The following TFDP1 variants were observed in gnomAD, a reference collection of about 807,000 sequenced individuals.
TFDP1 encodes transcription factor Dp-1, also known as DRTF1-polypeptide 1.
Under a neutral mutation model 48.0 loss-of-function variants are expected in TFDP1, and 6 were observed. That is an observed-to-expected ratio of 0.13 (90% CI 0.07 to 0.25). The LOEUF (loss-of-function observed/expected upper bound fraction) is 0.25. Among genes scored for constraint, TFDP1 ranks in the 10% least tolerant of loss-of-function variants. The probability of loss-of-function intolerance (pLI) is 1.00; values close to 1 mark genes in which losing one functional copy is unlikely to be tolerated. For missense variants in TFDP1, 335 were observed against 543.0 expected, an observed-to-expected ratio of 0.62 and a Z score of 3.81; for synonymous variants, 201 against 211.6, an observed-to-expected ratio of 0.95 and a Z score of 0.44.
chr13:113,635,126 G>A lies in TFDP1; in HGVS notation c.687+524G>A, dbSNP rs1254604819. The stretch of plus-strand genomic sequence containing the variant: ...CTGGGTCTTGACAGTGCTGATCAGG[G>A]CCCTGGAGCTGGCCTTCCCCACCTC... On this transcript the variant is annotated intron_variant, in intron 8 of 11. Coordinates refer to ENST00000375370, the MANE Select transcript of TFDP1 (RefSeq NM_007111.5). Among the ~76,000 whole-genome samples the A allele has an allele frequency of 3.3e-5, 5 of 152,336 alleles. No individual in the cohort carries two copies. The East Asian group carries it at 9.6e-4, about 29-fold the overall frequency.
intron 9 of TFDP1, 135 bp downstream of exon 9, chr13:113,636,263 G>A (rs563574443): frequency 2.1e-5 from 27 of 1,291,970 alleles, no homozygotes; most frequent in Non-Finnish European, 2.7e-5. Context: ...TGTCCATTGG[G>A]GGGTGGTGGG....
At chr13:113,629,730 A>G (rs1057148664) in intron 4 of TFDP1, among the ~76,000 whole-genome samples, 3 of 152,142 alleles carry the variant, frequency 2.0e-5, no homozygotes, top group Admixed American at 6.5e-5. Context: ...ATGCGGGTTT[A>G]TCGGGATGTT....
chr13:113,630,951 G>A (rs986418493), intron 4 of TFDP1, among the ~76,000 whole-genome samples: 2 of 152,184 alleles, frequency 1.3e-5, no homozygotes, highest in Non-Finnish European at 2.9e-5. Flanking sequence ...AGGGGCGTGT[G>A]GAGCCCCTAC....
In TFDP1 at chr13:113,640,245, A is replaced by T; in HGVS notation, c.1211A>T (p.Asn404Ile). 6.2e-7 allele frequency: 1 copy of T among 1,613,062 alleles called. No homozygotes were observed. Among genetic ancestry groups the T allele is most frequent in the Non-Finnish European group, 8.5e-7 (1 of 1,179,656 alleles). The change falls in exon 12 of 12, where the codon AAC becomes ATC. Residue 404 changes from asparagine to isoleucine, a missense_variant. Coordinates refer to ENST00000375370, the MANE Select transcript of TFDP1 (RefSeq NM_007111.5). ...GEDDEEDDDF[N>I]ENDEDD ...GACGACGAGGAGGACGATGACTTCA[A>T]CGAGAATGACGAGGACGACTGACGT... is the stretch of plus-strand genomic sequence containing the variant.
In TFDP1 at chr13:113,640,383, A is replaced by G. The variant is rs4150825; in HGVS notation, c.*116A>G. On this transcript the variant is annotated 3_prime_UTR_variant, in exon 12 of 12. Transcript: ENST00000375370. The stretch of plus-strand genomic sequence containing the variant: ...ACTCCCAAGAAGATATTGGTAAGCT[A>G]TTGAATTTAGATATGCACCTCTGAT... 5.0e-4 allele frequency: 744 copies of G among 1,485,506 alleles called. 1 individual carries two copies. Among genetic ancestry groups the G allele is most frequent in the Non-Finnish European group, 6.1e-4 (685 of 1,121,622 alleles). The allele number at this position is 1,485,506 out of a possible 1,614,324, so 92.0% of individuals were successfully genotyped here. A position where few individuals can be genotyped will look rare whatever the true frequency, so the allele number is the denominator to read the frequency against.
intron 2 of TFDP1, among the ~76,000 whole-genome samples, chr13:113,602,279 G>A (rs1199738920): frequency 6.6e-6 from 1 of 151,986 alleles, no homozygotes; most frequent in South Asian, 2.1e-4. Context: ...TGCAGGAGTC[G>A]AGGGAGGAGT....
At chr13:113,605,734 G>A (rs927918977) in intron 2 of TFDP1, among the ~76,000 whole-genome samples, 1 of 152,250 alleles carries the variant, frequency 6.6e-6, no homozygotes, top group African/African-American at 2.4e-5. Context: ...CCTAGCTTCA[G>A]AAGTTGCCCC....
Position 113,598,262 on chromosome 13 carries a change from A to G in TFDP1, c.12+12413A>G, listed in dbSNP as rs4150703. ...GAGGCAGGATGCAAGCACCTTTTTA[A>G]CGGCTGTGGAACTGATGTATGGGTT... On this transcript the variant is annotated intron_variant, in intron 2 of 11. Transcript: ENST00000375370. This position sits in a 1 kb window ranked among gnomAD's most constrained non-coding sequence, Gnocchi z 4.2. 0.44 allele frequency among the ~76,000 whole-genome samples: 66,490 copies of G among 152,004 alleles called. 15,679 individuals carry two copies. Among genetic ancestry groups the G allele is most frequent in the African/African-American group, 0.61 (25,367 of 41,458 alleles).
chr13:113,634,826 CAT>C (rs1491174423), intron 8 of TFDP1, among the ~76,000 whole-genome samples: 10 of 149,210 alleles, frequency 6.7e-5, no homozygotes, highest in Non-Finnish European at 1.3e-4. Flanking sequence ...TGCATGCATG[CAT>C]GTGTGTGTGT....
chr13:113,617,528 CCATTCA>C, intron 3 of TFDP1, among the ~76,000 whole-genome samples: 1 of 151,236 alleles, frequency 6.6e-6, no homozygotes. Flanking sequence ...ACCTGCAGAA[CCATTCA>C]CCTGCAGAGC....
chr13:113,610,582 C>G lies in TFDP1; in HGVS notation c.13-414C>G, dbSNP rs1262892680. On this transcript the variant is annotated intron_variant, in intron 2 of 11. Coordinates refer to ENST00000375370, the MANE Select transcript of TFDP1 (RefSeq NM_007111.5). The stretch of plus-strand genomic sequence containing the variant: ...TCACACATGTGCCCCCGCTGTGTGG[C>G]TGTGCCGTCACGTGTGTACCCCTGC... Among the ~76,000 whole-genome samples the G allele has an allele frequency of 1.3e-5, 2 of 151,572 alleles. 1 individual carries two copies. The highest frequency in any genetic ancestry group is 4.2e-4 in the South Asian group (2 of 4,788).
chr13:113,611,948 C>T (rs1414049185), intron 3 of TFDP1, among the ~76,000 whole-genome samples: 1 of 152,170 alleles, frequency 6.6e-6, no homozygotes, highest in Admixed American at 6.5e-5. Context: ...CAGGGAGGAG[C>T]CCAGAGGCCT....
chr13:113,604,637 G>A (rs1031751350), intron 2 of TFDP1, among the ~76,000 whole-genome samples: 1 of 34,800 alleles, frequency 2.9e-5, no homozygotes, highest in South Asian at 1.6e-3. Flanking sequence ...AGCACTGAGC[G>A]GACAGACCTC....
At chr13:113,613,031 T>TGGC in intron 3 of TFDP1, among the ~76,000 whole-genome samples, 1 of 151,768 alleles carries the variant, frequency 6.6e-6, no homozygotes, top group Non-Finnish European at 1.5e-5. Context: ...TTGTTGTTGT[T>TGGC]TTGGAGATGG....
intron 3 of TFDP1, among the ~76,000 whole-genome samples, chr13:113,613,571 AGTGT>A (rs201120955): frequency 3.1e-5 from 4 of 128,346 alleles, no homozygotes; most frequent in South Asian, 2.9e-4. Context: ...TGTGCATACG[AGTGT>A]GTGTGTGCAT....
At chr13:113,637,421 G>A (rs965491938) in intron 10 of TFDP1, among the ~76,000 whole-genome samples, 6 of 152,208 alleles carry the variant, frequency 3.9e-5, no homozygotes, top group African/African-American at 9.7e-5. Context: ...GGCCGCCCAC[G>A]TGGGCTGGGC....
At chr13:113,586,625 A>G (rs2048010909) in intron 2 of TFDP1, among the ~76,000 whole-genome samples, 1 of 152,226 alleles carries the variant, frequency 6.6e-6, no homozygotes, top group South Asian at 2.1e-4. Flanking sequence ...AGTTGGAAAG[A>G]GTCCGCACAT....
chr13:113,592,954 T>C (rs1312789365), intron 2 of TFDP1, among the ~76,000 whole-genome samples: 4 of 150,730 alleles, frequency 2.7e-5, no homozygotes, highest in Admixed American at 6.6e-5. Context: ...ACAGGCGTGC[T>C]GTGTGCTGGT....
chr13:113,637,916 T>C lies in TFDP1; in HGVS notation c.1085+20T>C, dbSNP rs756269718. ...TGCCAGGTGACAGTCGTTGAGGGTG[T>C]GGGAGAGGCGTCATCTGGGCCTCCC... On this transcript the variant is annotated intron_variant, in intron 11 of 11. Transcript: ENST00000375370. 7 of 1,610,620 alleles carry C rather than the reference T, an allele frequency of 4.3e-6. No individual in the cohort carries two copies. In the South Asian group the frequency reaches 7.7e-5, roughly 18 times the overall value.
Sources: gnomAD v4.1 joint callset for allele counts (sites outside exome capture counted in the v4.1 genomes callset) on GRCh38, gnomAD v4.1.1 for gene constraint, Gnocchi (gnomAD v3.1) non-coding constraint, MANE v1.5 for transcripts, NCBI Gene and HGNC (gene_info 2026-07-23, HGNC 2026-07-21) for gene names.